SNRPA1: variants seen among roughly 807,000 people sequenced by gnomAD.
SNRPA1 encodes the protein U2 small nuclear ribonucleoprotein A'.
In SNRPA1, 5 loss-of-function variants were observed where a neutral mutation model predicts 32.3. The observed-to-expected ratio is 0.15, with a 90% CI of 0.08 to 0.33. The LOEUF (loss-of-function observed/expected upper bound fraction) is 0.33. Ranked by LOEUF, SNRPA1 falls within the 10% of genes least tolerant of loss-of-function variation. The pLI, the probability that SNRPA1 is intolerant of heterozygous loss-of-function variation, is 1.00. For synonymous variants in SNRPA1, 111 were observed against 120.1 expected, an observed-to-expected ratio of 0.92 and a Z score of 0.50; for missense variants, 198 against 311.1, an observed-to-expected ratio of 0.64 and a Z score of 2.74.
intron 8 of SNRPA1, among the ~76,000 whole-genome samples, chr15:101,283,222 C>G (rs1175061564): frequency 1.3e-5 from 2 of 152,182 alleles, no homozygotes; most frequent in African/African-American, 2.4e-5. Flanking sequence ...AATGTTCATA[C>G]TAAAGCAAGT....
intron 5 of SNRPA1, chr15:101,286,610 T>G: frequency 2.2e-6 from 1 of 460,460 alleles, no homozygotes; most frequent in East Asian, 3.8e-5. Context: ...GTAGGTTACA[T>G]TAAGTTCTCC....
intron 3 of SNRPA1, chr15:101,290,003 A>T (rs2039503816): frequency 6.6e-6 from 1 of 152,056 alleles, no homozygotes; most frequent in Non-Finnish European, 1.5e-5. Context: ...ACAAGCTGAA[A>T]GTAAATTTTG....
rs78524426 is a variant in SNRPA1 at position 101,282,021 on chromosome 15, G to T, written c.710-239C>A. ...GGGTCACAAAGATTTCAAAATTGTT[G>T]CCTCCCATTGTAGTTGATAATAATT... On this transcript the variant is annotated intron_variant, in intron 8 of 8. Coordinates refer to ENST00000254193, the MANE Select transcript of SNRPA1 (RefSeq NM_003090.4). 5.8e-3 allele frequency among the ~76,000 whole-genome samples: 876 copies of T among 152,328 alleles called. 27 individuals carry two copies. The East Asian group carries it at 0.093, about 16-fold the overall frequency.
chr15:101,290,823 C>A (rs894991799), intron 3 of SNRPA1, among the ~76,000 whole-genome samples: 4 of 149,592 alleles, frequency 2.7e-5, no homozygotes, highest in Admixed American at 1.3e-4. Context: ...CTCATTGCAA[C>A]CTCTGCCTCC....
chr15:101,283,228 C>G (rs73485359), intron 8 of SNRPA1, among the ~76,000 whole-genome samples: 2,132 of 152,256 alleles, frequency 0.014, 53 homozygotes, highest in African/African-American at 0.048. Context: ...CATACTAAAG[C>G]AAGTAACACC....
chr15:101,287,114 A>T (rs1394506894), intron 4 of SNRPA1, 104 bp from the exon 5 acceptor site: 2 of 561,382 alleles, frequency 3.6e-6, no homozygotes, highest in East Asian at 2.8e-5. Flanking sequence ...GAACATTCAC[A>T]TTCTTCACAT....
chr15:101,292,399 C>T (rs1384384216), intron 2 of SNRPA1, among the ~76,000 whole-genome samples: 2 of 152,150 alleles, frequency 1.3e-5, no homozygotes, highest in Non-Finnish European at 2.9e-5. Flanking sequence ...AACAACTATA[C>T]TATAGGGGAA....
At chr15:101,291,884 T>A in intron 3 of SNRPA1, 78 bp downstream of exon 3, 1 of 867,232 alleles carries the variant, frequency 1.2e-6, no homozygotes, top group Non-Finnish European at 1.9e-6. Context: ...ATTTTCTAGA[T>A]TTTGTAAATT....
At chr15:101,287,765 G>A (rs1256742364) in intron 3 of SNRPA1, 63 bp from the exon 4 acceptor site, 2 of 1,471,750 alleles carry the variant, frequency 1.4e-6, no homozygotes, top group Admixed American at 1.7e-5. Flanking sequence ...ATTCTGAAAT[G>A]GAGAGTGCTT....
chr15:101,287,768 G>C (rs1412479404), intron 3 of SNRPA1, 66 bp from the exon 4 acceptor site: 10 of 1,443,256 alleles, frequency 6.9e-6, no homozygotes, highest in Non-Finnish European at 9.7e-6. Context: ...CTGAAATGGA[G>C]AGTGCTTTTG....
intron 3 of SNRPA1, among the ~76,000 whole-genome samples, chr15:101,288,707 T>A (rs1380942054): frequency 6.6e-6 from 1 of 152,188 alleles, no homozygotes; most frequent in African/African-American, 2.4e-5. Flanking sequence ...CAACCCATGT[T>A]GAGAGCAACA....
At chr15:101,289,374 T>C (rs930275283) in intron 3 of SNRPA1, among the ~76,000 whole-genome samples, 1 of 152,206 alleles carries the variant, frequency 6.6e-6, no homozygotes, top group Non-Finnish European at 1.5e-5. Flanking sequence ...TTTTAAACTT[T>C]TATAAATATG....
intron 8 of SNRPA1, among the ~76,000 whole-genome samples, chr15:101,283,845 C>A (rs2039424119): frequency 1.3e-5 from 2 of 152,228 alleles, no homozygotes; most frequent in Non-Finnish European, 2.9e-5. Flanking sequence ...GAGGCTGAGG[C>A]AGGAGAATCG....
chr15:101,292,253 G>C (rs2039533988), intron 2 of SNRPA1, among the ~76,000 whole-genome samples: 1 of 152,186 alleles, frequency 6.6e-6, no homozygotes, highest in Non-Finnish European at 1.5e-5. Context: ...TAATTCCACT[G>C]TCATACCATC....
At chr15:101,289,767 TA>T (rs72467325) in intron 3 of SNRPA1, 55,546 of 141,748 alleles carry the variant, frequency 0.39, 10,862 homozygotes, top group African/African-American at 0.51. Flanking sequence ...TCGTCTCTAC[TA>T]AAAAAAAAAA....
chr15:101,292,220 G>T (rs1391660310), intron 2 of SNRPA1, among the ~76,000 whole-genome samples, 180 bp from the exon 3 acceptor site: 1 of 152,156 alleles, frequency 6.6e-6, no homozygotes, highest in East Asian at 1.9e-4. Context: ...AACAGAAGTG[G>T]GATTTTAGAC....
At chr15:101,289,340 T>C (rs985888154) in intron 3 of SNRPA1, among the ~76,000 whole-genome samples, 7 of 152,218 alleles carry the variant, frequency 4.6e-5, no homozygotes, top group Admixed American at 1.3e-4. Flanking sequence ...TTGAAGGTCA[T>C]GGTACAGTGA....
chr15:101,295,057 G>T, intron 1 of SNRPA1, 40 bp downstream of exon 1: 1 of 1,322,772 alleles, frequency 7.6e-7, no homozygotes, highest in Non-Finnish European at 1.0e-6. Context: ...AGGCGGCTCG[G>T]TGCCGCCTGG....
At position 101,291,973 on chromosome 15, in the gene SNRPA1, G is replaced by C. The variant is rs114919170; in HGVS notation, c.298C>G (p.Leu100Val). ...TCTGTGCAACTTACCAGTTCCACGA[G>C]ACTATTATTGGTGAGAATGAGTTCT... ...LTELILTNNS[L>V]VELGDLDPLA... Residue 100 changes from leucine to valine, a missense_variant, in exon 3 of 9, where the codon CTC becomes GTC. Physicochemically the swap from Leu to Val is conservative, Grantham distance 32. Around this residue, in one of 3 missense-constraint regions of SNRPA1, gnomAD observed 119 missense variants for 171.6 expected, o/e 0.69. Transcript: ENST00000254193. 8.1e-6 allele frequency: 13 copies of C among 1,609,716 alleles called. No homozygotes were observed. Among genetic ancestry groups the C allele is most frequent in the African/African-American group, 1.3e-5 (1 of 74,834 alleles).
Sources: gnomAD v4.1 joint callset for allele counts (sites outside exome capture counted in the v4.1 genomes callset) on GRCh38, gnomAD v4.1.1 for gene constraint, gnomAD v4.1.1 regional missense constraint, MANE v1.5 for transcripts, NCBI Gene and HGNC (gene_info 2026-07-23, HGNC 2026-07-21) for gene names.